FNDC3B: variants seen among roughly 807,000 people sequenced by gnomAD.
FNDC3B encodes fibronectin type III domain-containing protein 3B.
In FNDC3B, 12 loss-of-function variants were observed where a neutral mutation model predicts 151.5. That is an observed-to-expected ratio of 0.08 (90% confidence interval 0.05 to 0.13). FNDC3B has a LOEUF of 0.13. FNDC3B is among the 10% of genes least tolerant of loss of function. FNDC3B has a pLI of 1.00. For synonymous variants in FNDC3B, 528 were observed against 549.0 expected (o/e 0.96, Z 0.54); for missense variants, 1,214 against 1,505.3 (o/e 0.81, Z 3.20).
At chr3:172,165,243 C>G (rs1722953336) in intron 3 of FNDC3B, among the ~76,000 whole-genome samples, 1 of 152,188 alleles carries the variant, frequency 6.6e-6, no homozygotes, top group Non-Finnish European at 1.5e-5. Flanking sequence ...CTTCTGACCT[C>G]AAGCAATCCT....
At chr3:172,180,062 T>A (rs1455716027) in intron 3 of FNDC3B, among the ~76,000 whole-genome samples, 6 of 152,136 alleles carry the variant, frequency 3.9e-5, no homozygotes, top group Non-Finnish European at 5.9e-5. Context: ...TTTCTCTTCT[T>A]CTCTTCATGT....
At position 172,269,770 on chromosome 3, in the gene FNDC3B, A is replaced by G. The variant is rs528667150; in HGVS notation, c.791-16156A>G. On this transcript the variant is annotated intron_variant, in intron 6 of 25. Coordinates refer to ENST00000415807, the MANE Select transcript of FNDC3B (RefSeq NM_022763.4). Reference sequence around the variant, plus strand: ...AGCGGTTATCCTGCCTCAGCCTCCCAAGTAGCTGGGACTACAAGTGCGTGC... The same window carrying G: ...AGCGGTTATCCTGCCTCAGCCTCCCGAGTAGCTGGGACTACAAGTGCGTGC... Among the ~76,000 whole-genome samples, 462 of 151,886 alleles carry G rather than the reference A, an allele frequency of 3.0e-3. 4 individuals are homozygous for G. Among genetic ancestry groups the G allele is most frequent in the African/African-American group, 0.011 (449 of 41,418 alleles).
chr3:172,096,908 AAAGAT>A (rs1229846850), intron 1 of FNDC3B, among the ~76,000 whole-genome samples: 1 of 152,216 alleles, frequency 6.6e-6, no homozygotes, highest in Non-Finnish European at 1.5e-5. Context: ...AAGAACCCAT[AAAGAT>A]AAGAGTGGGT....
intron 23 of FNDC3B, among the ~76,000 whole-genome samples, chr3:172,374,640 G>A (rs535884540): frequency 2.6e-5 from 4 of 152,206 alleles, no homozygotes; most frequent in East Asian, 1.9e-4. Flanking sequence ...TGATCCGCCC[G>A]CCTCGGCCTC....
chr3:172,272,656 C>T (rs1025650419), intron 6 of FNDC3B, among the ~76,000 whole-genome samples: 1 of 152,188 alleles, frequency 6.6e-6, no homozygotes, highest in Admixed American at 6.5e-5. Context: ...GCATAGAACC[C>T]TAAAAACCGA....
rs373079426 is a variant in FNDC3B, at chr3:172,160,963, A to T, written c.187+27417A>T. Among the ~76,000 whole-genome samples, 4 of 152,372 alleles carry T rather than the reference A, an allele frequency of 2.6e-5. No homozygotes were observed. In the East Asian group the frequency reaches 7.7e-4, roughly 29 times the overall value. ...AAGATACAATAAATTCAAAAGAAAT[A>T]AAAGAGAAACAGCATAAGATTACCA... On this transcript the variant is annotated intron_variant, in intron 3 of 25. Transcript: ENST00000415807.
rs570715882 is a variant in FNDC3B at position 172,365,897 on chromosome 3, A to G, written c.3008+3052A>G. 6.6e-5 allele frequency among the ~76,000 whole-genome samples: 10 copies of G among 152,334 alleles called. No individual in the cohort carries two copies. In the South Asian group the frequency reaches 2.1e-3, roughly 32 times the overall value. ...AGAGTTGAGTCGATTTTAGCAACTA[A>G]ACTATTGCTCTCCAAATTTCCTTAA... is the stretch of plus-strand genomic sequence containing the variant. On this transcript the variant is annotated intron_variant, in intron 23 of 25. Transcript: ENST00000415807.
chr3:172,371,358 A>G (rs1321572689), intron 23 of FNDC3B, among the ~76,000 whole-genome samples: 1 of 152,192 alleles, frequency 6.6e-6, no homozygotes, highest in Non-Finnish European at 1.5e-5. Flanking sequence ...ATTATTTTCT[A>G]TCTGCAGTTG....
At chr3:172,161,607 C>T (rs1437361083) in intron 3 of FNDC3B, among the ~76,000 whole-genome samples, 4 of 152,358 alleles carry the variant, frequency 2.6e-5, no homozygotes, top group Admixed American at 2.6e-4. Flanking sequence ...TCACTGGACA[C>T]ATGCGTGTAT....
At chr3:172,242,002 A>T (rs1727519859) in intron 4 of FNDC3B, among the ~76,000 whole-genome samples, 1 of 152,258 alleles carries the variant, frequency 6.6e-6, no homozygotes, top group Non-Finnish European at 1.5e-5. Flanking sequence ...AGCCATTCGA[A>T]ATGGGAGAAA....
chr3:172,365,098 T>G (rs1035071997), intron 23 of FNDC3B, among the ~76,000 whole-genome samples: 1 of 152,206 alleles, frequency 6.6e-6, no homozygotes, highest in African/African-American at 2.4e-5. Flanking sequence ...AGCCTTTAAC[T>G]TTGGATCTTG....
intron 16 of FNDC3B, 30 bp from the exon 17 acceptor site, chr3:172,341,083 A>G: frequency 1.4e-6 from 2 of 1,465,254 alleles, no homozygotes; most frequent in Non-Finnish European, 1.9e-6. Context: ...TACAAGAGGC[A>G]TAAAGTCATG....
At chr3:172,284,401 A>T (rs1156849362) in intron 6 of FNDC3B, among the ~76,000 whole-genome samples, 1 of 152,194 alleles carries the variant, frequency 6.6e-6, no homozygotes, top group African/African-American at 2.4e-5. Flanking sequence ...TGTCTTCCTC[A>T]ATCTTATGTT....
chr3:172,181,401 A>AAC (rs1553769900), intron 3 of FNDC3B, among the ~76,000 whole-genome samples: 5 of 145,228 alleles, frequency 3.4e-5, no homozygotes, highest in Admixed American at 2.1e-4. Flanking sequence ...TCTCCAAAAA[A>AAC]AAAAAAAAAA....
intron 1 of FNDC3B, among the ~76,000 whole-genome samples, chr3:172,041,626 T>G (rs1716080251): frequency 6.6e-6 from 1 of 151,898 alleles, no homozygotes; most frequent in Non-Finnish European, 1.5e-5. Context: ...AACACTTTTT[T>G]TTTGAGGCCT....
At chr3:172,323,842 A>G (rs534114751) in intron 11 of FNDC3B, among the ~76,000 whole-genome samples, 3 of 152,284 alleles carry the variant, frequency 2.0e-5, no homozygotes, top group Admixed American at 2.0e-4. Context: ...GAAACCAAAA[A>G]TGCATGACCC....
At chr3:172,305,261 G>GA (rs1303213543) in intron 9 of FNDC3B, among the ~76,000 whole-genome samples, 1 of 152,182 alleles carries the variant, frequency 6.6e-6, no homozygotes, top group East Asian at 1.9e-4. Context: ...TCAGTTCTAA[G>GA]AATGAAGATT....
At chr3:172,240,577 A>G (rs1025137280) in intron 4 of FNDC3B, among the ~76,000 whole-genome samples, 6 of 152,222 alleles carry the variant, frequency 3.9e-5, no homozygotes, top group Non-Finnish European at 7.3e-5. Flanking sequence ...AATTTTCTAC[A>G]TAATGAAAAC....
chr3:172,349,791 G>A (rs1733773290), intron 21 of FNDC3B, among the ~76,000 whole-genome samples: 1 of 152,204 alleles, frequency 6.6e-6, no homozygotes, highest in Admixed American at 6.5e-5. Flanking sequence ...GAGTAGCCGG[G>A]ATTACAGGCG....
Sources: gnomAD v4.1 joint callset for allele counts (sites outside exome capture counted in the v4.1 genomes callset) on GRCh38, gnomAD v4.1.1 for gene constraint, MANE v1.5 for transcripts, NCBI Gene and HGNC (gene_info 2026-07-23, HGNC 2026-07-21) for gene names.